CSMD3: variants seen among roughly 807,000 people sequenced by gnomAD.
CSMD3 encodes the protein CUB and Sushi multiple domains 3.
In CSMD3, 177 loss-of-function variants were observed where a neutral mutation model predicts 435.2. That is an observed-to-expected ratio of 0.41 (90% CI 0.36 to 0.46). CSMD3 has a LOEUF of 0.46. Ranked by LOEUF, CSMD3 falls within the 20% of genes least tolerant of loss-of-function variation. CSMD3 has a pLI of 0.34. For synonymous variants in CSMD3, 1,656 were observed against 1,520.5 expected, an observed-to-expected ratio of 1.09 and a Z score of -2.07; for missense variants, 4,265 against 4,504.6, an observed-to-expected ratio of 0.95 and a Z score of 1.52.
chr8:112,505,323 A>G (rs925927409), intron 29 of CSMD3, among the ~76,000 whole-genome samples: 1 of 152,172 alleles, frequency 6.6e-6, no homozygotes, highest in African/African-American at 2.4e-5. Flanking sequence ...AACTGTTGGT[A>G]TAATAATATA....
chr8:112,279,696 A>T (rs564397377), intron 59 of CSMD3, among the ~76,000 whole-genome samples: 1 of 152,272 alleles, frequency 6.6e-6, no homozygotes, highest in East Asian at 1.9e-4. Context: ...ATAAAAAATA[A>T]TTGGCATGGG....
At chr8:112,689,447 A>G (rs1224177473) in intron 14 of CSMD3, among the ~76,000 whole-genome samples, 2 of 152,042 alleles carry the variant, frequency 1.3e-5, no homozygotes, top group Non-Finnish European at 2.9e-5. Context: ...TAACATCTAC[A>G]AGCAAAAATA....
chr8:112,523,371 A>G (rs1824509394), intron 27 of CSMD3, among the ~76,000 whole-genome samples: 2 of 152,036 alleles, frequency 1.3e-5, no homozygotes, highest in Admixed American at 6.6e-5. Flanking sequence ...CTATGAAAAT[A>G]CAATTCTGAA....
chr8:112,335,591 A>G lies in CSMD3; in HGVS notation c.7020-117T>C, dbSNP rs866018241. 7 of 916,936 alleles carry G rather than the reference A, an allele frequency of 7.6e-6. No individual in the cohort carries two copies. In the Middle Eastern group the frequency reaches 1.1e-3, roughly 141 times the overall value. The allele number at this position is 916,936 out of a possible 1,614,324, so 56.8% of individuals were successfully genotyped here. The stretch of plus-strand genomic sequence containing the variant: ...ATATTCTAACGTATCAATAATAAAG[A>G]TGCAGGAAGCTAACCAATGAGTACA... On this transcript the variant is annotated intron_variant, in intron 44 of 70. Transcript: ENST00000297405.
chr8:113,000,016 G>A (rs1437593763), intron 6 of CSMD3, among the ~76,000 whole-genome samples: 1 of 151,942 alleles, frequency 6.6e-6, no homozygotes, highest in Non-Finnish European at 1.5e-5. Flanking sequence ...GATGTTGGGA[G>A]TCATGGGCAT....
intron 6 of CSMD3, among the ~76,000 whole-genome samples, chr8:112,995,597 T>G (rs536234994): frequency 1.3e-5 from 2 of 151,560 alleles, no homozygotes; most frequent in South Asian, 2.1e-4. Context: ...AAAGTTTAAC[T>G]ATTTAAGTCC....
intron 4 of CSMD3, among the ~76,000 whole-genome samples, chr8:113,148,189 A>G (rs1052096118): frequency 6.6e-6 from 1 of 151,718 alleles, no homozygotes; most frequent in African/African-American, 2.4e-5. Flanking sequence ...AATGTGCCAG[A>G]TATTTTTAAT....
chr8:113,068,297 C>T (rs2088950582), intron 5 of CSMD3, among the ~76,000 whole-genome samples: 1 of 152,002 alleles, frequency 6.6e-6, no homozygotes. Context: ...ACAGCTAAAA[C>T]GTACTGGGAC....
At chr8:113,282,610 C>A (rs145844159) in intron 2 of CSMD3, among the ~76,000 whole-genome samples, 235 of 152,044 alleles carry the variant, frequency 1.5e-3, no homozygotes, top group African/African-American at 5.5e-3. Flanking sequence ...GGAAACATAC[C>A]ATGCACATAG....
At chr8:112,870,849 T>C (rs2081116021) in intron 10 of CSMD3, among the ~76,000 whole-genome samples, 2 of 152,004 alleles carry the variant, frequency 1.3e-5, no homozygotes, top group Non-Finnish European at 2.9e-5. Context: ...AACTAGCAGA[T>C]AAATCTGGTT....
chr8:113,057,718 C>T (rs996818059), intron 5 of CSMD3, among the ~76,000 whole-genome samples: 6 of 151,860 alleles, frequency 4.0e-5, no homozygotes, highest in African/African-American at 1.2e-4. Flanking sequence ...ATATTCTATA[C>T]ATAAAATGAA....
chr8:112,300,345 G>A (rs1029622150), intron 53 of CSMD3, among the ~76,000 whole-genome samples: 49 of 150,032 alleles, frequency 3.3e-4, no homozygotes, highest in Non-Finnish European at 5.9e-4. Context: ...AAATGCATAA[G>A]TAAACTAAGT....
At chr8:112,685,986 T>G (rs1028030439) in intron 14 of CSMD3, among the ~76,000 whole-genome samples, 3 of 152,156 alleles carry the variant, frequency 2.0e-5, no homozygotes, top group Admixed American at 6.5e-5. Flanking sequence ...TTTTTTGACA[T>G]ATATCTTGTT....
intron 32 of CSMD3, among the ~76,000 whole-genome samples, chr8:112,455,779 C>T (rs1262620843): frequency 2.0e-5 from 3 of 151,418 alleles, no homozygotes; most frequent in African/African-American, 7.3e-5. Context: ...CTTCACATAG[C>T]TCTTAGATTA....
intron 65 of CSMD3, among the ~76,000 whole-genome samples, chr8:112,242,916 CAA>C (rs1259877238): frequency 6.6e-6 from 1 of 151,910 alleles, no homozygotes; most frequent in Non-Finnish European, 1.5e-5. Context: ...GAGATGAAAA[CAA>C]GAGATGGCTA....
At chr8:113,120,590 T>C (rs2131633633) in intron 4 of CSMD3, among the ~76,000 whole-genome samples, 1 of 152,308 alleles carries the variant, frequency 6.6e-6, no homozygotes, top group Non-Finnish European at 1.5e-5. Flanking sequence ...TGCAAGGTGT[T>C]ATTGTAAGAA....
chr8:113,022,368 A>G (rs930347585), intron 5 of CSMD3, among the ~76,000 whole-genome samples: 4 of 152,086 alleles, frequency 2.6e-5, no homozygotes, highest in Non-Finnish European at 4.4e-5. Context: ...TTCAACAGTT[A>G]TTTACCAAAC....
intron 25 of CSMD3, among the ~76,000 whole-genome samples, chr8:112,553,190 A>C (rs1418273944): frequency 6.6e-6 from 1 of 151,822 alleles, no homozygotes. Flanking sequence ...ATCATTTTAA[A>C]CCCTTTCCCT....
At chr8:113,273,879 T>C (rs2093549453) in intron 3 of CSMD3, among the ~76,000 whole-genome samples, 1 of 152,132 alleles carries the variant, frequency 6.6e-6, no homozygotes, top group African/African-American at 2.4e-5. Flanking sequence ...GAAACATTCA[T>C]AATGATGTTT....
Sources: gnomAD v4.1 joint callset for allele counts (sites outside exome capture counted in the v4.1 genomes callset) on GRCh38, gnomAD v4.1.1 for gene constraint, MANE v1.5 for transcripts, NCBI Gene and HGNC (gene_info 2026-07-23, HGNC 2026-07-21) for gene names.